HDAC9: variants seen among roughly 807,000 people sequenced by gnomAD.
The protein encoded by HDAC9 is histone deacetylase 9.
HDAC9 carries 41 observed loss-of-function variants against 139.4 expected under a neutral mutation model. The observed-to-expected ratio is 0.29, with a 90% confidence interval of 0.23 to 0.38. The LOEUF (loss-of-function observed/expected upper bound fraction) is 0.38, where lower values mean the gene tolerates loss of function less well. HDAC9 is among the 10% of genes least tolerant of loss of function. The pLI is 1.00. For synonymous variants in HDAC9, 517 were observed against 476.2 expected, an observed-to-expected ratio of 1.09 and a Z score of -1.12; for missense variants, 1,147 against 1,297.0, an observed-to-expected ratio of 0.88 and a Z score of 1.78.
Position 18,845,867 on chromosome 7 carries a change from A to G in HDAC9, c.2684+9870A>G, listed in dbSNP as rs536629248. 2.0e-3 allele frequency among the ~76,000 whole-genome samples: 308 copies of G among 152,276 alleles called. 2 individuals carry two copies. The highest frequency in any genetic ancestry group is 6.7e-3 in the African/African-American group (278 of 41,532). On this transcript the variant is annotated intron_variant, in intron 21 of 25. Transcript: ENST00000686413. ...GGAAGAGAGGTATCTGTGGGTGCGC[A>G]TCTGCTCTGTCTGTGTTTTGTTCCA...
At chr7:18,971,034 T>C (rs1240268328) in intron 24 of HDAC9, among the ~76,000 whole-genome samples, 2 of 152,228 alleles carry the variant, frequency 1.3e-5, no homozygotes, top group Admixed American at 6.5e-5. Flanking sequence ...TACTGAAGTC[T>C]GTTTACAGAG....
At chr7:18,777,769 A>G (rs1219793983) in intron 16 of HDAC9, among the ~76,000 whole-genome samples, 1 of 151,992 alleles carries the variant, frequency 6.6e-6, no homozygotes, top group Non-Finnish European at 1.5e-5. Flanking sequence ...GGGATTATCC[A>G]TCAAGTAAAG....
rs184098985 is a variant in HDAC9, at chr7:18,202,697, G to C, written c.25+40348G>C. Among the ~76,000 whole-genome samples, 1,209 of 152,252 alleles carry C rather than the reference G, an allele frequency of 7.9e-3. 4 individuals carry two copies. The highest frequency in any genetic ancestry group is 0.011 in the Non-Finnish European group (747 of 68,016). On this transcript the variant is annotated intron_variant, in intron 2 of 12. Coordinates refer to the HDAC9 transcript ENST00000417496. Reference sequence around the variant, plus strand: ...TTATTAAGATGAATTCTTTTTGCGTGAGCAGCTTAACAGACTTCTCTTGAA... The same window carrying C: ...TTATTAAGATGAATTCTTTTTGCGTCAGCAGCTTAACAGACTTCTCTTGAA...
chr7:18,490,992 A>G (rs932309533), upstream of HDAC9, among the ~76,000 whole-genome samples: 1 of 151,954 alleles, frequency 6.6e-6, no homozygotes, highest in Non-Finnish European at 1.5e-5. Context: ...AGGGTTTGTT[A>G]ATACATGAAA....
At chr7:18,581,196 C>G (rs1827723365) in intron 2 of HDAC9, among the ~76,000 whole-genome samples, 1 of 152,056 alleles carries the variant, frequency 6.6e-6, no homozygotes, top group Non-Finnish European at 1.5e-5. Flanking sequence ...CTATTGATTT[C>G]TTGTATAAAC....
Position 18,611,382 on chromosome 7 carries a change from A to G in HDAC9, c.664+17353A>G, listed in dbSNP as rs1008086545. ...AAAATTAATGTTAACAGACTTATATAGTAGAATAGATAACTTTGGTGACTA... is the reference window on the plus strand; with the variant it reads ...AAAATTAATGTTAACAGACTTATATGGTAGAATAGATAACTTTGGTGACTA... On this transcript the variant is annotated intron_variant, in intron 6 of 25. Coordinates refer to ENST00000686413, the MANE Select transcript of HDAC9 (RefSeq NM_178425.4). Among the ~76,000 whole-genome samples, 3 of 152,184 alleles carry G rather than the reference A, an allele frequency of 2.0e-5. No homozygotes were observed. The East Asian group carries it at 5.8e-4, about 29-fold the overall frequency.
chr7:18,905,044 A>G (rs542686112), intron 22 of HDAC9, among the ~76,000 whole-genome samples: 3 of 152,028 alleles, frequency 2.0e-5, no homozygotes, highest in Non-Finnish European at 4.4e-5. Flanking sequence ...GCCTACGGTC[A>G]TGAGCCACCA....
At chr7:18,486,227 A>G (rs771842857) in intron 1 of HDAC9, among the ~76,000 whole-genome samples, 1 of 152,168 alleles carries the variant, frequency 6.6e-6, no homozygotes, top group African/African-American at 2.4e-5. Flanking sequence ...TTTCCAACAT[A>G]TGAACTTTGA....
intron 2 of HDAC9, among the ~76,000 whole-genome samples, chr7:18,512,231 C>G (rs915899586): frequency 2.0e-5 from 3 of 151,738 alleles, no homozygotes; most frequent in Non-Finnish European, 4.4e-5. Flanking sequence ...TTTGGATGTC[C>G]TAGTCAATAT....
intron 1 of HDAC9, among the ~76,000 whole-genome samples, chr7:18,092,054 A>G (rs1782189004): frequency 6.6e-6 from 1 of 152,226 alleles, no homozygotes; most frequent in Non-Finnish European, 1.5e-5. Flanking sequence ...CTTGGAGGTC[A>G]GCTTAGGGTA....
chr7:18,470,788 C>A (rs1305609275), intron 1 of HDAC9, among the ~76,000 whole-genome samples: 1 of 152,110 alleles, frequency 6.6e-6, no homozygotes, highest in Non-Finnish European at 1.5e-5. Flanking sequence ...ATTAAAAATG[C>A]AAAGACCAAG....
At chr7:18,342,338 A>T (rs925858478) in intron 1 of HDAC9, among the ~76,000 whole-genome samples, 8 of 151,804 alleles carry the variant, frequency 5.3e-5, no homozygotes, top group African/African-American at 1.7e-4. Flanking sequence ...TCAAGGCATT[A>T]AACTGGAACA....
intron 1 of HDAC9, among the ~76,000 whole-genome samples, chr7:18,323,131 C>T (rs1800153725): frequency 6.6e-6 from 1 of 152,162 alleles, no homozygotes; most frequent in Admixed American, 6.5e-5. Context: ...AAGTAGCAAA[C>T]CTACTCTTCT....
chr7:18,582,617 A>G (rs1828175610), intron 2 of HDAC9, among the ~76,000 whole-genome samples: 4 of 152,180 alleles, frequency 2.6e-5, no homozygotes, highest in Admixed American at 2.6e-4. Flanking sequence ...ATGAATGCGT[A>G]GCTTTTCTAC....
At chr7:18,101,393 C>T (rs1782849282) in intron 1 of HDAC9, among the ~76,000 whole-genome samples, 1 of 152,178 alleles carries the variant, frequency 6.6e-6, no homozygotes, top group South Asian at 2.1e-4. Flanking sequence ...AGGATTATTG[C>T]ATTGTGTCCA....
chr7:18,617,220 AAAGTTT>A (rs1221343209), intron 6 of HDAC9, among the ~76,000 whole-genome samples: 1 of 152,170 alleles, frequency 6.6e-6, no homozygotes, highest in South Asian at 2.1e-4. Flanking sequence ...TTGACTTTCT[AAAGTTT>A]AAGTCTAGTC....
chr7:18,733,760 CAT>C (rs960270837), intron 13 of HDAC9, among the ~76,000 whole-genome samples: 1 of 152,012 alleles, frequency 6.6e-6, no homozygotes, highest in African/African-American at 2.4e-5. Flanking sequence ...TACCTTCACA[CAT>C]GTTTTGAAGA....
chr7:18,249,355 T>C (rs1407800345), intron 2 of HDAC9, among the ~76,000 whole-genome samples: 2 of 151,384 alleles, frequency 1.3e-5, no homozygotes. Flanking sequence ...ATACAAAAAA[T>C]AGCTGGGTGT....
chr7:18,122,200 T>C (rs1024294127), intron 1 of HDAC9, among the ~76,000 whole-genome samples: 1 of 152,232 alleles, frequency 6.6e-6, no homozygotes, highest in African/African-American at 2.4e-5. Flanking sequence ...TGTGGTGGAA[T>C]TGACTTTCTT....
Sources: allele counts gnomAD v4.1 joint callset (sites outside exome capture counted in the v4.1 genomes callset), GRCh38; gene constraint gnomAD v4.1.1; transcripts MANE v1.5; gene names NCBI Gene and HGNC (gene_info 2026-07-23, HGNC 2026-07-21).